The following POLR3E variants were observed in gnomAD, a reference collection of about 807,000 sequenced individuals.
POLR3E encodes RNA polymerase III subunit E, also known as DNA-directed RNA polymerase III subunit RPC5.
POLR3E carries 41 observed loss-of-function variants against 96.6 expected under a neutral mutation model. The ratio of observed to expected loss-of-function variants is 0.42; its 90% CI spans 0.33 to 0.55. The LOEUF (loss-of-function observed/expected upper bound fraction) is 0.55. Among genes scored for constraint, POLR3E ranks in the 20% least tolerant of loss-of-function variants. The probability of loss-of-function intolerance (pLI) is 0.06; values close to 1 mark genes in which losing one functional copy is unlikely to be tolerated. For synonymous variants in POLR3E, 396 were observed against 383.6 expected (o/e 1.03, Z -0.38); for missense variants, 849 against 952.1 (o/e 0.89, Z 1.43).
At chr16:22,315,521 C>T (rs1269606110) in intron 9 of POLR3E, among the ~76,000 whole-genome samples, 3 of 152,148 alleles carry the variant, frequency 2.0e-5, no homozygotes, top group Non-Finnish European at 2.9e-5. Context: ...AGGCCCTAAA[C>T]GCAGGCCAGA....
rs183932619 is a variant in POLR3E at position 22,332,127 on chromosome 16, G to T, written c.2012G>T (p.Arg671Leu). The T allele has an allele frequency of 6.2e-7, 1 of 1,613,580 alleles. No homozygotes were observed. Among genetic ancestry groups the T allele is most frequent in the Admixed American group, 1.7e-5 (1 of 60,002 alleles). The stretch of plus-strand genomic sequence containing the variant: ...GTACGCCGAAACATGATCCAGTCTC[G>T]GTTGACTCAAGAGTGTGGAGAAGAT... ...YRVRRNMIQS[R>L]LTQECGEDLS... Residue 671 changes from arginine to leucine, a missense_variant, in exon 20 of 21, where the codon CGG (arginine) becomes CTG (leucine). Physicochemically the swap from Arg to Leu is moderately radical, Grantham distance 102. Coordinates refer to ENST00000299853, the MANE Select transcript of POLR3E (RefSeq NM_018119.4).
At chr16:22,309,350 G>C (rs986173446) in intron 5 of POLR3E, 78 bp from the exon 6 acceptor site, 7 of 1,077,572 alleles carry the variant, frequency 6.5e-6, no homozygotes, top group Non-Finnish European at 7.2e-6. Flanking sequence ...AAGTGTCTAG[G>C]GGGTGGGGTG....
At chr16:22,321,325 G>A (rs1344432863) in intron 13 of POLR3E, among the ~76,000 whole-genome samples, 3 of 152,236 alleles carry the variant, frequency 2.0e-5, no homozygotes, top group South Asian at 2.1e-4. Context: ...GTGACAAAAT[G>A]TGAAATGTTG....
At chr16:22,325,623 G>GAT in intron 17 of POLR3E, 138 bp from the exon 18 acceptor site, 1 of 1,025,096 alleles carries the variant, frequency 9.8e-7, no homozygotes, top group East Asian at 2.7e-5. Flanking sequence ...CTCTTCCACT[G>GAT]ATGGGGTGGC....
intron 18 of POLR3E, chr16:22,327,427 CTGACA>C (rs912706121): frequency 1.3e-5 from 2 of 152,334 alleles, no homozygotes; most frequent in African/African-American, 4.8e-5. Context: ...GGACACCTGC[CTGACA>C]TTAGTTGTTT....
chr16:22,324,166 A>T (rs2048528734), intron 14 of POLR3E, among the ~76,000 whole-genome samples, 188 bp from the exon 15 acceptor site: 1 of 151,648 alleles, frequency 6.6e-6, no homozygotes, highest in Admixed American at 6.6e-5. Context: ...GAGCTCCTTT[A>T]TGGAGGAGAA....
chr16:22,326,653 C>G (rs2048602038), intron 18 of POLR3E: 3 of 342,244 alleles, frequency 8.8e-6, no homozygotes, highest in Non-Finnish European at 1.7e-5. Context: ...ATCGTTTGAT[C>G]TTCTTTGCAA....
rs2048106138 is a variant in POLR3E at position 22,305,064 on chromosome 16, T to C, written c.37-92T>C. ...TCCCCAAACTGCTTCCCTGAGCCAC[T>C]GCCCTTAACTGAAGCTGGAAGCGCT... On this transcript the variant is annotated intron_variant, in intron 2 of 20. Transcript: ENST00000299853. 1.5e-5 allele frequency: 14 copies of C among 954,384 alleles called. No homozygotes were observed. The South Asian group carries it at 1.5e-4, about 11-fold the overall frequency. 59.1% of individuals were successfully genotyped at this position (954,384 alleles called of 1,614,324 possible). A position where few individuals can be genotyped will look rare whatever the true frequency, so the allele number is the denominator to read the frequency against.
At position 22,313,688 on chromosome 16, in the gene POLR3E, G is replaced by A. The variant is rs757650500; in HGVS notation, c.433G>A (p.Ala145Thr). 6.2e-7 allele frequency: 1 copy of A among 1,613,728 alleles called. No individual in the cohort carries two copies. The highest frequency in any genetic ancestry group is 1.1e-5 in the South Asian group (1 of 91,084). The change falls in exon 7 of 21, where the codon GCT becomes ACT. Residue 145 changes from alanine (A) to threonine (T), a missense_variant. Physicochemically the swap from Ala to Thr is moderately conservative, Grantham distance 58. Transcript: ENST00000299853. The surrounding 1 kb of genome is among the most constrained non-coding windows in gnomAD (Gnocchi z 4.1). ...LRPSFSYLDKADAKHREREAA... is the reference protein window; with the variant it reads ...LRPSFSYLDKTDAKHREREAA... ...GCCCAGCTTCTCCTACCTGGATAAG[G>A]CTGACGCCAAGCACCGGGAGAGGGA...
intron 4 of POLR3E, 52 bp downstream of exon 4, chr16:22,308,277 T>C: frequency 7.2e-7 from 1 of 1,391,554 alleles, no homozygotes; most frequent in Non-Finnish European, 1.0e-6. Flanking sequence ...GTGATGAGGG[T>C]GGGAGCTGGT....
Position 22,333,638 on chromosome 16 carries a change from T to C in POLR3E, c.2071-6T>C. The C allele has an allele frequency of 6.2e-7, 1 of 1,606,816 alleles. No homozygotes were observed. Among genetic ancestry groups the C allele is most frequent in the South Asian group, 1.1e-5 (1 of 90,944 alleles). On this transcript the variant is annotated splice_region_variant and splice_polypyrimidine_tract_variant and intron_variant, in intron 20 of 20. Coordinates refer to ENST00000299853, the MANE Select transcript of POLR3E (RefSeq NM_018119.4). ...AATCTGTGCTTACCCTGTTTCTCTC[T>C]CATAGGACTGCTGTGTAAGCTATGG... is the stretch of plus-strand genomic sequence containing the variant.
chr16:22,319,024 G>A, intron 13 of POLR3E, 78 bp downstream of exon 13: 1 of 1,104,020 alleles, frequency 9.1e-7, no homozygotes, highest in Non-Finnish European at 1.3e-6. Flanking sequence ...GCCCAGGCTG[G>A]TGTGTAGTGG....
At position 22,325,899 on chromosome 16, in the gene POLR3E, G is replaced by A. The variant is rs754799887; in HGVS notation, c.1487G>A (p.Arg496Gln). 2.0e-5 allele frequency: 32 copies of A among 1,606,570 alleles called. No individual in the cohort carries two copies. Among genetic ancestry groups the A allele is most frequent in the South Asian group, 4.4e-5 (4 of 90,256 alleles). ...GTGCCTGCGGTCCCGCCCGGTGTGC[G>A]GATCAAGGAGGAGCCCGTGAGCGAG... ...LRVPAVPPGV[R>Q]IKEEPVSEEG... The change falls in exon 18 of 21, where the codon CGG becomes CAG. Residue 496 changes from arginine to glutamine, a missense_variant. Transcript: ENST00000299853.
At chr16:22,314,181 A>C in intron 8 of POLR3E, 53 bp downstream of exon 8, 1 of 1,437,330 alleles carries the variant, frequency 7.0e-7, no homozygotes, top group South Asian at 1.1e-5. Context: ...CAGCAGGACC[A>C]GAGACCAAGG....
chr16:22,303,848 G>C (rs1277213771), intron 2 of POLR3E, among the ~76,000 whole-genome samples: 2 of 125,652 alleles, frequency 1.6e-5, no homozygotes, highest in Non-Finnish European at 3.2e-5. Context: ...GTCTCACTCT[G>C]TCTCCCAGGC....
chr16:22,309,415 C>T lies in POLR3E; in HGVS notation c.282-13C>T, dbSNP rs1015901240. 1.9e-5 allele frequency: 30 copies of T among 1,607,610 alleles called. No homozygotes were observed. Among genetic ancestry groups the T allele is most frequent in the Admixed American group, 5.0e-5 (3 of 60,006 alleles). On this transcript the variant is annotated splice_polypyrimidine_tract_variant and intron_variant, in intron 5 of 20. Coordinates refer to ENST00000299853, the MANE Select transcript of POLR3E (RefSeq NM_018119.4). ...TGCCTTCCCCTGTGACGTTGCTTCT[C>T]CCTGTGCTCCAGGAAGCTGATGGAC...
chr16:22,308,870 TGAG>T (rs911424230), intron 4 of POLR3E, 52 bp from the exon 5 acceptor site: 21 of 1,237,778 alleles, frequency 1.7e-5, no homozygotes, highest in African/African-American at 8.9e-5. Context: ...GGGTGTCCCT[TGAG>T]GAGCCATGCC....
chr16:22,298,913 A>G, intron 1 of POLR3E: 1 of 453,758 alleles, frequency 2.2e-6, no homozygotes, highest in Non-Finnish European at 4.4e-6. Flanking sequence ...TCCCCATAAC[A>G]GCTTTGATGA....
intron 1 of POLR3E, among the ~76,000 whole-genome samples, chr16:22,299,410 CTTT>C (rs34579812): frequency 4.3e-5 from 5 of 117,324 alleles, no homozygotes; most frequent in Admixed American, 8.5e-5. Context: ...ATATGATTTA[CTTT>C]TTTTTTTTTT....
Sources: allele counts gnomAD v4.1 joint callset (sites outside exome capture counted in the v4.1 genomes callset), GRCh38; gene constraint gnomAD v4.1.1; non-coding constraint Gnocchi (gnomAD v3.1); transcripts MANE v1.5; gene names NCBI Gene and HGNC (gene_info 2026-07-23, HGNC 2026-07-21).